GRIK1: variants seen among roughly 807,000 people sequenced by gnomAD.
The protein encoded by GRIK1 is glutamate ionotropic receptor kainate type subunit 1.
A neutral mutation model predicts 105.7 loss-of-function variants in GRIK1; 69 were observed. The ratio of observed to expected loss-of-function variants is 0.65; its 90% CI spans 0.54 to 0.80. The LOEUF (loss-of-function observed/expected upper bound fraction) is 0.80. GRIK1 is among the 30% of genes least tolerant of loss of function. The pLI is 0.00. For synonymous variants in GRIK1, 438 were observed against 431.3 expected, an observed-to-expected ratio of 1.02 and a Z score of -0.19; for missense variants, 1,109 against 1,167.3, an observed-to-expected ratio of 0.95 and a Z score of 0.73.
chr21:29,649,160 T>G (rs988420645), intron 6 of GRIK1, among the ~76,000 whole-genome samples: 3 of 152,168 alleles, frequency 2.0e-5, no homozygotes, highest in African/African-American at 4.8e-5. Flanking sequence ...AACAGTCAAG[T>G]GCAAAGCAGA....
chr21:29,923,312 A>G (rs139349974), intron 1 of GRIK1, among the ~76,000 whole-genome samples: 51 of 152,362 alleles, frequency 3.3e-4, no homozygotes, highest in Admixed American at 1.1e-3. Context: ...GTACTTCTGC[A>G]TAATATCTAA....
intron 7 of GRIK1, among the ~76,000 whole-genome samples, chr21:29,620,825 AATATAT>A (rs2061981573): frequency 2.2e-5 from 2 of 92,660 alleles, no homozygotes; most frequent in Admixed American, 2.1e-4. Flanking sequence ...ATATAGTAAT[AATATAT>A]TATAGTCATA....
intron 1 of GRIK1, among the ~76,000 whole-genome samples, chr21:29,829,651 A>T (rs763080795): frequency 6.6e-6 from 1 of 152,188 alleles, no homozygotes; most frequent in Non-Finnish European, 1.5e-5. Context: ...GCTGATGCAG[A>T]TGAATTTAAG....
chr21:29,885,130 AT>A (rs1569188772), intron 1 of GRIK1, among the ~76,000 whole-genome samples: 1 of 152,068 alleles, frequency 6.6e-6, no homozygotes, highest in African/African-American at 2.4e-5. Context: ...TGATAATGTG[AT>A]GTTTCAATAC....
intron 1 of GRIK1, among the ~76,000 whole-genome samples, chr21:29,910,514 G>T (rs1294723580): frequency 6.6e-6 from 1 of 152,106 alleles, no homozygotes; most frequent in African/African-American, 2.4e-5. Flanking sequence ...GTCAAACAAA[G>T]TCATGGTAGA....
intron 12 of GRIK1, among the ~76,000 whole-genome samples, chr21:29,586,711 G>A (rs894884914): frequency 2.6e-5 from 4 of 151,680 alleles, no homozygotes; most frequent in African/African-American, 9.7e-5. Context: ...ACTGTGTAGA[G>A]CAAAATGGTT....
intron 16 of GRIK1, among the ~76,000 whole-genome samples, chr21:29,548,753 A>G (rs2090084491): frequency 6.6e-6 from 1 of 152,306 alleles, no homozygotes; most frequent in Admixed American, 6.5e-5. Flanking sequence ...GCAGTGAGGT[A>G]TTTGGAAATA....
At chr21:29,721,744 G>A (rs1480016688) in intron 1 of GRIK1, among the ~76,000 whole-genome samples, 1 of 152,180 alleles carries the variant, frequency 6.6e-6, no homozygotes, top group Admixed American at 6.5e-5. Flanking sequence ...TCTGACTGCA[G>A]TGAGAAAGAA....
chr21:29,739,321 G>A (rs1018657561), intron 1 of GRIK1, among the ~76,000 whole-genome samples: 1 of 152,168 alleles, frequency 6.6e-6, no homozygotes, highest in Non-Finnish European at 1.5e-5. Flanking sequence ...GAATAAGGGA[G>A]GGGGAGAGAC....
chr21:29,579,924 T>C (rs928272706), intron 13 of GRIK1, among the ~76,000 whole-genome samples: 10 of 150,712 alleles, frequency 6.6e-5, no homozygotes, highest in Non-Finnish European at 1.0e-4. Flanking sequence ...GCCAGCTGCA[T>C]GCATGCTCTG....
In GRIK1 at chr21:29,736,005, A is replaced by T. The variant is rs546174060; in HGVS notation, c.119-41942T>A. 4.7e-4 allele frequency among the ~76,000 whole-genome samples: 71 copies of T among 152,316 alleles called. No homozygotes were observed. In the East Asian group the frequency reaches 0.011, roughly 23 times the overall value. ...GAAATCAAGTCAAATGTTTTTCCCT[A>T]GCACGACCCCAAGACAAAATTAGGT... On this transcript the variant is annotated intron_variant, in intron 1 of 17. Transcript: ENST00000327783.
chr21:29,807,419 C>T (rs931568128), intron 1 of GRIK1, among the ~76,000 whole-genome samples: 1 of 152,008 alleles, frequency 6.6e-6, no homozygotes, highest in Admixed American at 6.6e-5. Flanking sequence ...TGAGGACGGT[C>T]ATTCTGGAGG....
chr21:29,899,676 G>A (rs1466795123), intron 1 of GRIK1, among the ~76,000 whole-genome samples: 5 of 151,968 alleles, frequency 3.3e-5, no homozygotes, highest in Admixed American at 6.6e-5. Context: ...ACTGATTATA[G>A]AGATGTCATT....
chr21:29,555,073 C>G lies in GRIK1; in HGVS notation c.2586G>C (p.Arg862=), dbSNP rs746126945. 1 of 1,610,822 alleles carries G rather than the reference C, an allele frequency of 6.2e-7. No individual in the cohort carries two copies. The highest frequency in any genetic ancestry group is 2.2e-5 in the East Asian group (1 of 44,872). Residue 862 remains arginine, a synonymous_variant, in exon 16 of 18, where the codon CGG becomes CGC. Coordinates refer to ENST00000327783, the MANE Select transcript of GRIK1 (RefSeq NM_001330994.2). Reference sequence around the variant, plus strand: ...TCACCTGTTCAATATCATTATTCTTCCGTGATTTGTATATGAATTCTCCAA... The same window carrying G: ...TCACCTGTTCAATATCATTATTCTTGCGTGATTTGTATATGAATTCTCCAA... ...VAIGEFIYKS[R]KNNDIEQKGK... is the part of the protein sequence containing the mutation.
At chr21:29,701,547 A>C (rs1463007336) in intron 1 of GRIK1, among the ~76,000 whole-genome samples, 1 of 152,212 alleles carries the variant, frequency 6.6e-6, no homozygotes, top group Admixed American at 6.5e-5. Context: ...CTTAAGGGCC[A>C]TCACAGGGCT....
intron 7 of GRIK1, among the ~76,000 whole-genome samples, chr21:29,618,425 T>A (rs868594191): frequency 1.3e-5 from 2 of 152,176 alleles, no homozygotes; most frequent in African/African-American, 4.8e-5. Context: ...CGTAAACTAG[T>A]ACAACCACTA....
Position 29,924,681 on chromosome 21 carries a change from A to G in GRIK1, c.118+14702T>C, listed in dbSNP as rs368871217. Among the ~76,000 whole-genome samples, 4 of 152,226 alleles carry G rather than the reference A, an allele frequency of 2.6e-5. No individual in the cohort carries two copies. In the South Asian group the frequency reaches 8.3e-4, roughly 32 times the overall value. ...ACCTTTTTTGTTTTTTTCACCTTTT[A>G]GTGACTCTTGTCATTATTTAAAACT... On this transcript the variant is annotated intron_variant, in intron 1 of 17. Coordinates refer to ENST00000327783, the MANE Select transcript of GRIK1 (RefSeq NM_001330994.2).
Position 29,875,284 on chromosome 21 carries a change from CTCTT to C in GRIK1, c.118+64095_118+64098del, listed in dbSNP as rs1254297631. Among the ~76,000 whole-genome samples the C allele has an allele frequency of 2.0e-5, 3 of 152,068 alleles. No homozygotes were observed. The East Asian group carries it at 5.8e-4, about 29-fold the overall frequency. On this transcript the variant is annotated intron_variant, in intron 1 of 17. Transcript: ENST00000327783. ...AGGAAACCTGGTAGAAATGATTACTCTCTTTCTTCATTCAGTGAGGCATTGAAAT... is the reference window on the plus strand; with the variant it reads ...AGGAAACCTGGTAGAAATGATTACTCTCTTCATTCAGTGAGGCATTGAAAT...
intron 1 of GRIK1, among the ~76,000 whole-genome samples, chr21:29,911,900 T>C (rs1323225507): frequency 6.6e-6 from 1 of 152,100 alleles, no homozygotes; most frequent in Non-Finnish European, 1.5e-5. Context: ...TCATTTGTTA[T>C]GGCAGCTCAA....
Sources: allele counts gnomAD v4.1 joint callset (sites outside exome capture counted in the v4.1 genomes callset), GRCh38; gene constraint gnomAD v4.1.1; transcripts MANE v1.5; gene names NCBI Gene and HGNC (gene_info 2026-07-23, HGNC 2026-07-21).